The following KAZN variants were observed in gnomAD, a reference collection of about 807,000 sequenced individuals.
The protein encoded by KAZN is kazrin, periplakin interacting protein.
KAZN carries 40 observed loss-of-function variants against 87.4 expected under a neutral mutation model. The ratio of observed to expected loss-of-function variants is 0.46; its 90% CI spans 0.36 to 0.60. The LOEUF is 0.60. Ranked by LOEUF, KAZN falls within the 20% of genes least tolerant of loss-of-function variation. The pLI is 0.00. For synonymous variants in KAZN, 466 were observed against 458.3 expected (o/e 1.02, Z -0.22); for missense variants, 898 against 1,073.9 (o/e 0.84, Z 2.29).
At chr1:14,441,077 G>A (rs561873733) in intron 2 of KAZN, among the ~76,000 whole-genome samples, 2 of 152,246 alleles carry the variant, frequency 1.3e-5, no homozygotes, top group African/African-American at 4.8e-5. Flanking sequence ...ACAGCTCCTG[G>A]AGGACAAGGA....
At chr1:14,252,498 A>C (rs1036285832) in intron 2 of KAZN, among the ~76,000 whole-genome samples, 5 of 151,956 alleles carry the variant, frequency 3.3e-5, no homozygotes. Flanking sequence ...CTACCCCAGG[A>C]CCTTTCCTCA....
intron 2 of KAZN, among the ~76,000 whole-genome samples, chr1:14,473,501 C>A (rs1419155742): frequency 1.3e-5 from 2 of 152,034 alleles, no homozygotes; most frequent in Non-Finnish European, 2.9e-5. Context: ...GTGGCATATG[C>A]CTGTAGTTCC....
chr1:15,072,256 C>G (rs1639538342), intron 8 of KAZN, among the ~76,000 whole-genome samples: 1 of 152,192 alleles, frequency 6.6e-6, no homozygotes, highest in Non-Finnish European at 1.5e-5. Flanking sequence ...ATTTGTAACA[C>G]ATCTTGAGCC....
chr1:14,201,487 G>C (rs1431944989), intron 2 of KAZN, among the ~76,000 whole-genome samples: 1 of 152,112 alleles, frequency 6.6e-6, no homozygotes, highest in Non-Finnish European at 1.5e-5. Flanking sequence ...TGCTCCCCAG[G>C]TCAAACCACC....
chr1:15,024,392 G>A (rs535839218), intron 2 of KAZN, among the ~76,000 whole-genome samples: 4 of 152,316 alleles, frequency 2.6e-5, no homozygotes, highest in South Asian at 2.1e-4. Flanking sequence ...ACGGTGATAC[G>A]GTCAACCCTT....
chr1:14,479,421 C>T (rs1362020285), intron 2 of KAZN, among the ~76,000 whole-genome samples: 1 of 152,212 alleles, frequency 6.6e-6, no homozygotes, highest in Non-Finnish European at 1.5e-5. Context: ...TTCTTAATAG[C>T]ATTCATAAGA....
chr1:14,786,184 C>T (rs1439284030), intron 1 of KAZN, among the ~76,000 whole-genome samples: 1 of 152,158 alleles, frequency 6.6e-6, no homozygotes, highest in African/African-American at 2.4e-5. Flanking sequence ...TCTCCAACTC[C>T]ATCTAAAAAC....
intron 1 of KAZN, among the ~76,000 whole-genome samples, chr1:14,611,504 T>C (rs1053742043): frequency 7.9e-5 from 12 of 152,048 alleles, no homozygotes; most frequent in African/African-American, 4.8e-5. Flanking sequence ...CTGGCCAGTA[T>C]AGTGAGACGC....
At chr1:14,148,148 G>A (rs890800623) in intron 1 of KAZN, among the ~76,000 whole-genome samples, 3 of 151,988 alleles carry the variant, frequency 2.0e-5, no homozygotes, top group African/African-American at 4.8e-5. Context: ...GCAGTGAGCC[G>A]TCATCATGCC....
chr1:14,596,912 A>G (rs1260867446), upstream of KAZN, among the ~76,000 whole-genome samples: 1 of 152,200 alleles, frequency 6.6e-6, no homozygotes, highest in Admixed American at 6.5e-5. Context: ...TTCATGTACA[A>G]ATTTTTGTTT....
At chr1:14,903,153 G>A (rs577110188) in intron 1 of KAZN, among the ~76,000 whole-genome samples, 1 of 152,230 alleles carries the variant, frequency 6.6e-6, no homozygotes, top group African/African-American at 2.4e-5. Context: ...ACAGGTGTGA[G>A]CCACCACACC....
intron 2 of KAZN, among the ~76,000 whole-genome samples, chr1:14,502,669 C>T (rs1299327043): frequency 3.9e-5 from 6 of 152,186 alleles, no homozygotes; most frequent in Non-Finnish European, 7.4e-5. Flanking sequence ...AACTAAACCT[C>T]CAACGTCTGC....
At chr1:15,071,397 A>G (rs931733537) in intron 8 of KAZN, among the ~76,000 whole-genome samples, 1 of 152,070 alleles carries the variant, frequency 6.6e-6, no homozygotes, top group African/African-American at 2.4e-5. Flanking sequence ...GACTACAAGC[A>G]TGCATCACCA....
intron 2 of KAZN, among the ~76,000 whole-genome samples, chr1:14,238,030 G>T (rs560088584): frequency 1.3e-5 from 2 of 152,174 alleles, no homozygotes; most frequent in African/African-American, 4.8e-5. Flanking sequence ...TTTTTTCAAT[G>T]ACATTTTTTA....
intron 1 of KAZN, among the ~76,000 whole-genome samples, chr1:14,604,208 G>A (rs902461622): frequency 3.9e-5 from 6 of 152,172 alleles, no homozygotes; most frequent in Admixed American, 6.5e-5. Context: ...GAGTGTCACC[G>A]CCAGCAGTCA....
chr1:15,103,060 C>A (rs947276869), intron 11 of KAZN, among the ~76,000 whole-genome samples: 1 of 152,174 alleles, frequency 6.6e-6, no homozygotes, highest in Non-Finnish European at 1.5e-5. Flanking sequence ...GTCAGGAGTT[C>A]GAGACCAGCC....
chr1:13,918,505 A>T (rs1157160252), intron 1 of KAZN, among the ~76,000 whole-genome samples: 1 of 152,256 alleles, frequency 6.6e-6, no homozygotes, highest in East Asian at 1.9e-4. Context: ...TACTGTGAAC[A>T]TTGTTGAAAT....
chr1:14,725,270 T>C (rs1643321988), intron 1 of KAZN, among the ~76,000 whole-genome samples: 1 of 152,188 alleles, frequency 6.6e-6, no homozygotes, highest in South Asian at 2.1e-4. Flanking sequence ...CTACTCTTCA[T>C]TGCGTCAATG....
chr1:15,067,366 G>T, intron 8 of KAZN: 1 of 985,490 alleles, frequency 1.0e-6, no homozygotes, highest in Middle Eastern at 5.2e-4. Flanking sequence ...CTGCCTATAT[G>T]GGGGGTGGCG....
Sources: allele counts gnomAD v4.1 joint callset (sites outside exome capture counted in the v4.1 genomes callset), GRCh38; gene constraint gnomAD v4.1.1; transcripts MANE v1.5; gene names NCBI Gene and HGNC (gene_info 2026-07-23, HGNC 2026-07-21).